Variants in MARK4 observed in about 807,000 individuals in gnomAD.
The protein encoded by MARK4 is microtubule affinity regulating kinase 4, also known as MAP/microtubule affinity-regulating kinase 4.
Under a neutral mutation model 81.5 loss-of-function variants are expected in MARK4, and 19 were observed. That is an observed-to-expected ratio of 0.23 (90% CI 0.16 to 0.34). MARK4 has a LOEUF of 0.34. MARK4 is among the 10% of genes least tolerant of loss of function. The pLI is 1.00. For missense variants in MARK4, 772 were observed against 1,058.8 expected, an observed-to-expected ratio of 0.73 and a Z score of 3.76; for synonymous variants, 436 against 439.0, an observed-to-expected ratio of 0.99 and a Z score of 0.08.
intron 13 of MARK4, among the ~76,000 whole-genome samples, chr19:45,292,948 A>C (rs1568502523): frequency 6.6e-6 from 1 of 151,716 alleles, no homozygotes; most frequent in African/African-American, 2.4e-5. Flanking sequence ...AAAGCAACAA[A>C]ACCTAAAGTT....
Position 45,274,352 on chromosome 19 carries a change from C to T in MARK4, c.786+2644C>T, listed in dbSNP as rs560115117. Among the ~76,000 whole-genome samples the T allele has an allele frequency of 8.5e-5, 13 of 152,162 alleles. No homozygotes were observed. The East Asian group carries it at 2.1e-3, about 25-fold the overall frequency. On this transcript the variant is annotated intron_variant, in intron 8 of 16. Transcript: ENST00000262891. ...TGCTCATTCAAGACAGCCTTCTGGC[C>T]GGGCACGGTGGCTCAGGCCTGTAAT...
At chr19:45,258,699 G>C (rs570466165) in intron 1 of MARK4, among the ~76,000 whole-genome samples, 1 of 150,744 alleles carries the variant, frequency 6.6e-6, no homozygotes, top group Non-Finnish European at 1.5e-5. Context: ...GACTCCATCC[G>C]AAGGAAAAAA....
chr19:45,292,858 C>G (rs1456625357), intron 13 of MARK4, among the ~76,000 whole-genome samples: 1 of 151,470 alleles, frequency 6.6e-6, no homozygotes, highest in East Asian at 2.0e-4. Flanking sequence ...GGCATCAGAA[C>G]AAGACCCCAT....
intron 8 of MARK4, among the ~76,000 whole-genome samples, chr19:45,276,622 A>ATTTT (rs764253527): frequency 8.1e-6 from 1 of 123,630 alleles, no homozygotes; most frequent in Non-Finnish European, 1.7e-5. Context: ...CATTTTACAG[A>ATTTT]TTTTTTTTTT....
intron 14 of MARK4, among the ~76,000 whole-genome samples, chr19:45,295,576 A>G (rs1970876417): frequency 6.6e-6 from 1 of 152,152 alleles, no homozygotes; most frequent in East Asian, 1.9e-4. Flanking sequence ...GGAGTTCGAG[A>G]CCAGCCTGGC....
At chr19:45,291,998 C>G (rs1411624306) in intron 13 of MARK4, among the ~76,000 whole-genome samples, 1 of 152,216 alleles carries the variant, frequency 6.6e-6, no homozygotes, top group Non-Finnish European at 1.5e-5. Context: ...CCTTCCAAAT[C>G]TTCATGAATG....
rs750986982 is a variant in MARK4, at chr19:45,298,097, C to G, written c.1877+143C>G. On this transcript the variant is annotated intron_variant, in intron 15 of 16. Transcript: ENST00000262891. ...TCCTCGTTTCCTCCTCCTCCTCCTC[C>G]TTTCCTCCTCCCCTGTCACCCCTCA... 7.5e-6 allele frequency: 12 copies of G among 1,593,310 alleles called. No individual in the cohort carries two copies. In the East Asian group the frequency reaches 2.2e-4, roughly 30 times the overall value.
At position 45,251,610 on chromosome 19, in the gene MARK4, G is replaced by A. The variant is rs764522470; in HGVS notation, c.22G>A (p.Ala8Thr). 2.0e-6 allele frequency: 3 copies of A among 1,497,600 alleles called. No homozygotes were observed. Among genetic ancestry groups the A allele is most frequent in the Non-Finnish European group, 2.7e-6 (3 of 1,129,548 alleles). The allele number at this position is 1,497,600 out of a possible 1,614,324, so 92.8% of individuals were successfully genotyped here. The stretch of plus-strand genomic sequence containing the variant: ...GAAGATGTCTTCGCGGACGGTGCTG[G>A]CCCCGGGCAACGATCGGAACTCGGA... MSSRTVL[A>T]PGNDRNSDTH... Residue 8 changes from alanine to threonine, a missense_variant, in exon 1 of 17, where the codon GCC (alanine) becomes ACC (threonine). By Grantham distance (58) the Ala-to-Thr change is moderately conservative (BLOSUM62 0). This residue lies in a region of MARK4 where 115 missense variants were observed against 139.8 expected (regional missense o/e 0.82). Coordinates refer to ENST00000262891, the MANE Select transcript of MARK4 (RefSeq NM_001199867.2).
chr19:45,251,542 CCCGCCCCCCCCACCCGG>C lies in MARK4; in HGVS notation c.-39_-23del, dbSNP rs1568487677. The C allele has an allele frequency of 2.7e-6, 1 of 370,674 alleles. No homozygotes were observed. 23.0% of individuals were successfully genotyped at this position (370,674 alleles called of 1,614,324 possible). On this transcript the variant is annotated 5_prime_UTR_variant, in exon 1 of 17. Transcript: ENST00000262891. Reference sequence around the variant, plus strand: ...GGGGAAGAGAGGGGACCCTGGGACCCCCGCCCCCCCCACCCGGCCGCCCCTGCCCCCCGGGACCCGGA... The same window carrying C: ...GGGGAAGAGAGGGGACCCTGGGACCCCCGCCCCTGCCCCCCGGGACCCGGA...
chr19:45,284,387 A>G (rs1042498783), intron 12 of MARK4, among the ~76,000 whole-genome samples: 4 of 150,696 alleles, frequency 2.7e-5, no homozygotes, highest in East Asian at 2.0e-4. Flanking sequence ...CAGTGGCGCA[A>G]TCTTGGCTCA....
chr19:45,300,832 C>G (rs889009995), intron 16 of MARK4, among the ~76,000 whole-genome samples: 1 of 152,044 alleles, frequency 6.6e-6, no homozygotes, highest in African/African-American at 2.4e-5. Context: ...TCTGGTTGGT[C>G]AGACCTGGTC....
intron 16 of MARK4, among the ~76,000 whole-genome samples, chr19:45,301,062 T>C (rs1970964724): frequency 1.3e-5 from 2 of 152,228 alleles, no homozygotes; most frequent in South Asian, 4.1e-4. Context: ...ATTCCTGACC[T>C]ACCCCATCCC....
At chr19:45,292,119 A>G (rs528849418) in intron 13 of MARK4, among the ~76,000 whole-genome samples, 4 of 152,258 alleles carry the variant, frequency 2.6e-5, no homozygotes, top group Non-Finnish European at 1.5e-5. Context: ...CAAAGTACGA[A>G]AATATCCTCA....
chr19:45,276,915 G>A (rs570684598), intron 8 of MARK4, among the ~76,000 whole-genome samples: 91 of 151,498 alleles, frequency 6.0e-4, no homozygotes, highest in Non-Finnish European at 9.4e-4. Flanking sequence ...AATTACAGGC[G>A]TGAGCCACCG....
chr19:45,294,550 C>A, intron 14 of MARK4, 98 bp downstream of exon 14: 1 of 1,042,570 alleles, frequency 9.6e-7, no homozygotes, highest in Non-Finnish European at 1.4e-6. Flanking sequence ...AGGCTGGTGC[C>A]ATGGGGACCA....
chr19:45,289,568 G>A (rs1265935820), intron 13 of MARK4, among the ~76,000 whole-genome samples: 1 of 151,524 alleles, frequency 6.6e-6, no homozygotes, highest in East Asian at 2.0e-4. Context: ...TCGGGAGTTC[G>A]AGACCAGCCT....
intron 7 of MARK4, among the ~76,000 whole-genome samples, chr19:45,269,025 G>A (rs1456564042): frequency 6.6e-6 from 1 of 152,094 alleles, no homozygotes; most frequent in Non-Finnish European, 1.5e-5. Flanking sequence ...ACCAACCAAG[G>A]GGACCAACCC....
At chr19:45,281,367 C>CTTTCTTT (rs527694048) in intron 12 of MARK4, among the ~76,000 whole-genome samples, 9 of 132,076 alleles carry the variant, frequency 6.8e-5, no homozygotes, top group East Asian at 2.2e-4. Context: ...TCTTTTCTTT[C>CTTTCTTT]TTTTTTTTTT....
chr19:45,251,910 C>G (rs1445995388), intron 1 of MARK4, among the ~76,000 whole-genome samples: 1 of 151,870 alleles, frequency 6.6e-6, no homozygotes, highest in African/African-American at 2.4e-5. Context: ...CCAGGAAGCC[C>G]CTTCCCCTGC....
Sources: gnomAD v4.1 joint callset for allele counts (sites outside exome capture counted in the v4.1 genomes callset) on GRCh38, gnomAD v4.1.1 for gene constraint, gnomAD v4.1.1 regional missense constraint, MANE v1.5 for transcripts, NCBI Gene and HGNC (gene_info 2026-07-23, HGNC 2026-07-21) for gene names.